GALNT18: variants seen among roughly 807,000 people sequenced by gnomAD.
GALNT18 encodes the protein GalNAc-transferase 18.
GALNT18 carries 44 observed loss-of-function variants against 69.5 expected under a neutral mutation model. The observed-to-expected ratio is 0.63, with a 90% CI of 0.50 to 0.81. The LOEUF (loss-of-function observed/expected upper bound fraction) is 0.81. GALNT18 is among the 40% of genes least tolerant of loss of function. GALNT18 has a pLI of 0.00. For synonymous variants in GALNT18, 364 were observed against 318.2 expected (o/e 1.14, Z -1.53); for missense variants, 715 against 810.0 (o/e 0.88, Z 1.42).
In GALNT18 at chr11:11,439,841, A is replaced by G. The variant is rs4910002; in HGVS notation, c.429-7054T>C. ...CATTTACTCCCTGCCTGACTGCAGC[A>G]ATAAGACTAGATCATCCCACAAGCC... is the stretch of plus-strand genomic sequence containing the variant. On this transcript the variant is annotated intron_variant, in intron 2 of 10. Transcript: ENST00000227756. This position sits in a 1 kb window ranked among gnomAD's most constrained non-coding sequence, Gnocchi z 4.4. 0.33 allele frequency among the ~76,000 whole-genome samples: 50,499 copies of G among 152,116 alleles called. 8,820 individuals are homozygous for G. The highest frequency in any genetic ancestry group is 0.63 in the East Asian group (3,252 of 5,162).
intron 10 of GALNT18, among the ~76,000 whole-genome samples, chr11:11,288,046 C>T (rs1255487111): frequency 6.6e-6 from 1 of 152,282 alleles, no homozygotes; most frequent in East Asian, 1.9e-4. Flanking sequence ...AACTTGCTTC[C>T]CTGTTTCTAG....
chr11:11,514,856 C>T (rs1487280861), intron 1 of GALNT18, among the ~76,000 whole-genome samples: 1 of 152,170 alleles, frequency 6.6e-6, no homozygotes, highest in Non-Finnish European at 1.5e-5. Flanking sequence ...AGTGAAGGAT[C>T]TGGACCAGGA....
At chr11:11,281,984 G>C (rs1348320013) in intron 10 of GALNT18, among the ~76,000 whole-genome samples, 1 of 152,096 alleles carries the variant, frequency 6.6e-6, no homozygotes, top group Non-Finnish European at 1.5e-5. Context: ...GCCCTGACCT[G>C]CTCCCTGGGA....
At chr11:11,428,335 C>A (rs893938461) in intron 3 of GALNT18, among the ~76,000 whole-genome samples, 5 of 152,244 alleles carry the variant, frequency 3.3e-5, no homozygotes, top group African/African-American at 1.2e-4. Context: ...TCAGCTCAGC[C>A]TGGGGTCAAG....
chr11:11,293,527 A>G (rs1849342629), intron 9 of GALNT18, among the ~76,000 whole-genome samples: 1 of 127,042 alleles, frequency 7.9e-6, no homozygotes. Context: ...CAGTTTACAA[A>G]CCCCTCTTTT....
At position 11,500,508 on chromosome 11, in the gene GALNT18, T is replaced by C. The variant is rs12286347; in HGVS notation, c.236-51572A>G. On this transcript the variant is annotated intron_variant, in intron 1 of 10. Transcript: ENST00000227756. This position sits in a 1 kb window ranked among gnomAD's most constrained non-coding sequence, Gnocchi z 5.0. ...GGAGATGTTTTTGGTTGTCACATCGTGGTGGGTGGATGGAGATGCGCCATG... is the reference window on the plus strand; with the variant it reads ...GGAGATGTTTTTGGTTGTCACATCGCGGTGGGTGGATGGAGATGCGCCATG... Among the ~76,000 whole-genome samples the C allele has an allele frequency of 0.35, 53,280 of 151,938 alleles. 9,654 individuals are homozygous for C. The highest frequency in any genetic ancestry group is 0.56 in the East Asian group (2,882 of 5,152).
chr11:11,362,479 T>C (rs1213895784), intron 6 of GALNT18, among the ~76,000 whole-genome samples: 1 of 152,138 alleles, frequency 6.6e-6, no homozygotes, highest in East Asian at 1.9e-4. Flanking sequence ...TGTAAAGATA[T>C]TCTAAAAATA....
intron 10 of GALNT18, among the ~76,000 whole-genome samples, chr11:11,287,763 G>A (rs1203427945): frequency 1.3e-5 from 2 of 152,196 alleles, no homozygotes; most frequent in Non-Finnish European, 2.9e-5. Flanking sequence ...GTTTTGTCAT[G>A]TGCTGATGCG....
At position 11,290,005 on chromosome 11, in the gene GALNT18, T is replaced by TC. The variant is rs559585460; in HGVS notation, c.1677+3023dup. Among the ~76,000 whole-genome samples the TC allele has an allele frequency of 2.5e-3, 377 of 152,210 alleles. 3 individuals are homozygous for TC. Among genetic ancestry groups the TC allele is most frequent in the Middle Eastern group, 0.014 (4 of 294 alleles). On this transcript the variant is annotated intron_variant, in intron 10 of 10. Coordinates refer to ENST00000227756, the MANE Select transcript of GALNT18 (RefSeq NM_198516.3). ...ATACCCATGTCTGGATGACACCAAG[T>TC]CCCCAGGGCTACAAGTGCCTGGCTG... is the stretch of plus-strand genomic sequence containing the variant.
intron 10 of GALNT18, among the ~76,000 whole-genome samples, chr11:11,281,125 A>G (rs1849064617): frequency 6.6e-6 from 1 of 152,218 alleles, no homozygotes; most frequent in Admixed American, 6.5e-5. Context: ...TGGGAGCAGC[A>G]CGCAGGCAGG....
rs201498594 is a variant in GALNT18, at chr11:11,586,836, A to C, written c.235+34523T>G. ...TAAAAACACACACACACACACACAAAAAAAAGCCAGGTGTGGTGGCGGGCG... is the reference window on the plus strand; with the variant it reads ...TAAAAACACACACACACACACACAACAAAAAGCCAGGTGTGGTGGCGGGCG... On this transcript the variant is annotated intron_variant, in intron 1 of 10. Coordinates refer to ENST00000227756, the MANE Select transcript of GALNT18 (RefSeq NM_198516.3). This position sits in a 1 kb window ranked among gnomAD's most constrained non-coding sequence, Gnocchi z 4.1. Among the ~76,000 whole-genome samples, 1 of 17,174 alleles carries C rather than the reference A, an allele frequency of 5.8e-5. No individual in the cohort carries two copies. Among genetic ancestry groups the C allele is most frequent in the East Asian group, 8.8e-3 (1 of 114 alleles). The allele number at this position is 17,174 out of a possible 152,430, so 11.3% of individuals were successfully genotyped here.
intron 8 of GALNT18, among the ~76,000 whole-genome samples, chr11:11,328,488 A>T (rs1447972791): frequency 2.0e-5 from 3 of 152,168 alleles, no homozygotes; most frequent in Non-Finnish European, 4.4e-5. Flanking sequence ...GCCAATGAAG[A>T]GGCATGAGAT....
chr11:11,310,624 T>G (rs1849656496), intron 9 of GALNT18, among the ~76,000 whole-genome samples: 1 of 152,174 alleles, frequency 6.6e-6, no homozygotes, highest in Non-Finnish European at 1.5e-5. Context: ...TAGTGCACTT[T>G]TGAGCAAGAA....
chr11:11,378,290 G>C (rs1240010811), intron 4 of GALNT18, among the ~76,000 whole-genome samples: 1 of 152,208 alleles, frequency 6.6e-6, no homozygotes, highest in Non-Finnish European at 1.5e-5. Flanking sequence ...GTGGAGTCTG[G>C]GGAGGAGAGC....
rs1387211309 is a variant in GALNT18, at chr11:11,596,034, C to T, written c.235+25325G>A. On this transcript the variant is annotated intron_variant, in intron 1 of 10. Transcript: ENST00000227756. The surrounding 1 kb of genome is among the most constrained non-coding windows in gnomAD (Gnocchi z 4.2). ...ATGATTTTATCTCTTATATTTAGTT[C>T]TATGATCCATTTTGAGTTAGTTTTT... Among the ~76,000 whole-genome samples, 13 of 152,056 alleles carry T rather than the reference C, an allele frequency of 8.5e-5. No individual in the cohort carries two copies. The highest frequency in any genetic ancestry group is 8.5e-4 in the Admixed American group (13 of 15,266).
intron 1 of GALNT18, among the ~76,000 whole-genome samples, chr11:11,566,706 C>A (rs1858661141): frequency 6.6e-6 from 1 of 152,132 alleles, no homozygotes; most frequent in Non-Finnish European, 1.5e-5. Flanking sequence ...ATTATTCTTG[C>A]AACTTTTTTG....
At chr11:11,299,365 C>T (rs776844083) in intron 9 of GALNT18, among the ~76,000 whole-genome samples, 8 of 152,106 alleles carry the variant, frequency 5.3e-5, no homozygotes, top group African/African-American at 9.7e-5. Context: ...AGGCTGGTCT[C>T]GAACTCCTGA....
chr11:11,390,285 C>T (rs1854155400), intron 3 of GALNT18, among the ~76,000 whole-genome samples: 1 of 152,194 alleles, frequency 6.6e-6, no homozygotes, highest in Admixed American at 6.5e-5. Context: ...CTTGCACTAC[C>T]TGCTACCTCC....
intron 9 of GALNT18, among the ~76,000 whole-genome samples, chr11:11,293,520 T>C (rs887177828): frequency 6.7e-6 from 1 of 149,550 alleles, no homozygotes; most frequent in African/African-American, 2.5e-5. Flanking sequence ...CTTCACCCAG[T>C]TTACAAACCC....
Sources: gnomAD v4.1 joint callset for allele counts (sites outside exome capture counted in the v4.1 genomes callset) on GRCh38, gnomAD v4.1.1 for gene constraint, Gnocchi (gnomAD v3.1) non-coding constraint, MANE v1.5 for transcripts, NCBI Gene and HGNC (gene_info 2026-07-23, HGNC 2026-07-21) for gene names.